Variants in GPATCH2L observed in about 807,000 individuals in gnomAD.
The protein encoded by GPATCH2L is G-patch domain containing 2 like, also known as G patch domain-containing protein 2-like.
In GPATCH2L, 31 loss-of-function variants were observed where a neutral mutation model predicts 57.4. That is an observed-to-expected ratio of 0.54 (90% CI 0.41 to 0.73). The LOEUF (loss-of-function observed/expected upper bound fraction) is 0.73. Ranked by LOEUF, GPATCH2L falls within the 30% of genes least tolerant of loss-of-function variation. GPATCH2L has a pLI of 0.00. For missense variants in GPATCH2L, 481 were observed against 599.9 expected (o/e 0.80, Z 2.07); for synonymous variants, 199 against 210.7 (o/e 0.94, Z 0.48).
chr14:76,185,185 G>A (rs754881797), intron 8 of GPATCH2L, among the ~76,000 whole-genome samples: 4 of 152,186 alleles, frequency 2.6e-5, no homozygotes, highest in South Asian at 2.1e-4. Flanking sequence ...GGCTGGGTGT[G>A]TAGATGAAAT....
intron 8 of GPATCH2L, among the ~76,000 whole-genome samples, chr14:76,181,953 A>G (rs534275649): frequency 9.2e-5 from 14 of 152,246 alleles, no homozygotes; most frequent in Non-Finnish European, 1.5e-4. Context: ...ACTATGGGCT[A>G]TAATAATAAA....
intron 2 of GPATCH2L, among the ~76,000 whole-genome samples, chr14:76,232,672 C>G (rs1419290656): frequency 6.6e-6 from 1 of 152,186 alleles, no homozygotes; most frequent in Non-Finnish European, 1.5e-5. Context: ...CAAATTAAAA[C>G]CAGCCAAGGA....
rs865859266 is a variant in GPATCH2L, at chr14:76,213,896, G to A, written c.*12045G>A. 1.3e-4 allele frequency: 20 copies of A among 152,062 alleles called. No individual in the cohort carries two copies. Among genetic ancestry groups the A allele is most frequent in the South Asian group, 4.2e-4 (2 of 4,812 alleles). 9.4% of individuals were successfully genotyped at this position (152,062 alleles called of 1,614,324 possible). On this transcript the variant is annotated 3_prime_UTR_variant, in exon 10 of 10. Transcript: ENST00000261530. ...CCCAGTAATGTTGTTTTTCTGGTTC[G>A]GTATTCAATCCAGGATCCATATGTA...
rs781014333 is a variant in GPATCH2L, at chr14:76,201,794, C to T, written c.1392C>T (p.Asp464=). 1.3e-5 allele frequency: 21 copies of T among 1,613,956 alleles called. No homozygotes were observed. The highest frequency in any genetic ancestry group is 3.3e-4 in the Middle Eastern group (2 of 6,082). ...CCTCTGCAGCAGAGAAAGCCACAGACGCAACTACTGCTACATTTTTTAAAA... is the reference window on the plus strand; with the variant it reads ...CCTCTGCAGCAGAGAAAGCCACAGATGCAACTACTGCTACATTTTTTAAAA... ...VRTSAAEKAT[D]ATTATFFKMP... Residue 464 remains aspartate, a synonymous_variant, in exon 10 of 10, where the codon GAC becomes GAT. Coordinates refer to ENST00000261530, the MANE Select transcript of GPATCH2L (RefSeq NM_017926.4).
At chr14:76,196,063 G>A (rs746755859) in intron 9 of GPATCH2L, 91 bp downstream of exon 9, 12 of 950,368 alleles carry the variant, frequency 1.3e-5, no homozygotes, top group Non-Finnish European at 1.7e-5. Flanking sequence ...TAATGTTTGT[G>A]ATAGTGTAGG....
chr14:76,173,246 A>G (rs1691732759), intron 4 of GPATCH2L, among the ~76,000 whole-genome samples: 1 of 152,126 alleles, frequency 6.6e-6, no homozygotes, highest in African/African-American at 2.4e-5. Flanking sequence ...TTCAGTTTAT[A>G]AAGTCCCTTC....
At chr14:76,200,083 T>C (rs74562090) in intron 9 of GPATCH2L, among the ~76,000 whole-genome samples, 4 of 152,322 alleles carry the variant, frequency 2.6e-5, no homozygotes, top group African/African-American at 9.6e-5. Flanking sequence ...AGGAGAAATA[T>C]TGTGTGATTC....
At chr14:76,216,289 T>G (rs1435820457), downstream of GPATCH2L, among the ~76,000 whole-genome samples, 1 of 152,000 alleles carries the variant, frequency 6.6e-6, no homozygotes, top group African/African-American at 2.4e-5. Context: ...ACATAGAGAG[T>G]TGGGCCTCAA....
chr14:76,170,768 C>T (rs2039048347), intron 3 of GPATCH2L: 1 of 152,066 alleles, frequency 6.6e-6, no homozygotes, highest in Non-Finnish European at 1.5e-5. Context: ...GGGTTTTGAA[C>T]CTCCAAGTTT....
rs1182192450 is a variant in GPATCH2L at position 76,212,791 on chromosome 14, T to TA, written c.*10945dup. On this transcript the variant is annotated 3_prime_UTR_variant, in exon 10 of 10. Transcript: ENST00000261530. Reference sequence around the variant, plus strand: ...AGGAACAACAGATGGCATTTGCTGATAAAAATGCAATAAACTTAGAATTTG... The same window carrying TA: ...AGGAACAACAGATGGCATTTGCTGATAAAAAATGCAATAAACTTAGAATTTG... The TA allele has an allele frequency of 6.6e-6, 1 of 151,862 alleles. No homozygotes were observed. The highest frequency in any genetic ancestry group is 1.5e-5 in the Non-Finnish European group (1 of 67,942). 9.4% of individuals were successfully genotyped at this position (151,862 alleles called of 1,614,324 possible).
At chr14:76,180,235 G>A (rs2039509459) in intron 7 of GPATCH2L, among the ~76,000 whole-genome samples, 1 of 152,012 alleles carries the variant, frequency 6.6e-6, no homozygotes, top group Admixed American at 6.6e-5. Flanking sequence ...GGATAGTAAA[G>A]CTCAGAGGTT....
chr14:76,155,265 G>A (rs574826789), intron 2 of GPATCH2L, among the ~76,000 whole-genome samples: 43 of 152,258 alleles, frequency 2.8e-4, no homozygotes, highest in African/African-American at 9.1e-4. Flanking sequence ...TTTAAAACGC[G>A]TACCTCAAAT....
intron 1 of GPATCH2L, among the ~76,000 whole-genome samples, chr14:76,225,609 A>G (rs775173822): frequency 2.0e-4 from 30 of 152,320 alleles, no homozygotes; most frequent in Middle Eastern, 6.8e-3. Flanking sequence ...TGATTACTAT[A>G]ATTATTGGAT....
rs193210656 is a variant in GPATCH2L, at chr14:76,161,951, G to A, written c.663-4712G>A. Among the ~76,000 whole-genome samples the A allele has an allele frequency of 7.2e-5, 11 of 152,286 alleles. No homozygotes were observed. The East Asian group carries it at 2.1e-3, about 29-fold the overall frequency. ...CTTGGGAGGCTGAGACAGGAGAATT[G>A]CCTGAACCTGGGAGGCAGAGGTTGC... On this transcript the variant is annotated intron_variant, in intron 2 of 9. Transcript: ENST00000261530.
At position 76,176,676 on chromosome 14, in the gene GPATCH2L, C is replaced by A. The variant is rs779941979; in HGVS notation, c.1038C>A (p.Asp346Glu). 4.4e-6 allele frequency: 7 copies of A among 1,607,452 alleles called. No individual in the cohort carries two copies. The East Asian group carries it at 1.3e-4, about 31-fold the overall frequency. ...AGAGGATAAGCCATATCATTAGTGA[C>A]CCTCGGCAGAAAGAGTAAGTGCTTA... Reference protein sequence around the residue: ...GTERISHIISDPRQKEKNKAL... With the variant: ...GTERISHIISEPRQKEKNKAL... Residue 346 changes from aspartate to glutamate, a missense_variant, in exon 6 of 10, where the codon GAC becomes GAA. Transcript: ENST00000261530.
At chr14:76,153,652 A>G (rs1289550014) in intron 1 of GPATCH2L, 3 of 152,232 alleles carry the variant, frequency 2.0e-5, no homozygotes, top group South Asian at 4.1e-4. Flanking sequence ...GACATACTGT[A>G]TAAGGTTCTA....
chr14:76,219,618 TA>T (rs1372071904), intron 1 of GPATCH2L, among the ~76,000 whole-genome samples: 1 of 152,194 alleles, frequency 6.6e-6, no homozygotes, highest in Non-Finnish European at 1.5e-5. Context: ...GATGAATCTC[TA>T]AGTAAAAAGG....
chr14:76,232,176 T>G (rs1345464237), intron 2 of GPATCH2L, among the ~76,000 whole-genome samples: 2 of 152,246 alleles, frequency 1.3e-5, no homozygotes, highest in African/African-American at 4.8e-5. Flanking sequence ...CCTCCCAAAA[T>G]GCTGAGATTA....
In GPATCH2L at chr14:76,176,621, A is replaced by T. The variant is rs2039339329; in HGVS notation, c.985-2A>T. ...ATACTCTTGTCTGCCTTTTCTTTTT[A>T]GGAGACCAGCATAAACACTTTGGGG... On this transcript the variant is annotated splice_acceptor_variant, in intron 5 of 9. Transcript: ENST00000261530. LOFTEE classifies it high-confidence loss of function. 5 of 1,601,692 alleles carry T rather than the reference A, an allele frequency of 3.1e-6. No homozygotes were observed. Among genetic ancestry groups the T allele is most frequent in the Non-Finnish European group, 4.3e-6 (5 of 1,168,806 alleles).
Sources: allele counts gnomAD v4.1 joint callset (sites outside exome capture counted in the v4.1 genomes callset), GRCh38; gene constraint gnomAD v4.1.1; transcripts MANE v1.5; gene names NCBI Gene and HGNC (gene_info 2026-07-23, HGNC 2026-07-21).